The following LMBR1 variants were observed in gnomAD, a reference collection of about 807,000 sequenced individuals.
LMBR1 encodes limb region 1 protein homolog.
Under a neutral mutation model 73.9 loss-of-function variants are expected in LMBR1, and 52 were observed. That is an observed-to-expected ratio of 0.70 (90% CI 0.56 to 0.89). The LOEUF is 0.89. Ranked by LOEUF, LMBR1 falls within the 40% of genes least tolerant of loss-of-function variation. The pLI is 0.00. For missense variants in LMBR1, 539 were observed against 579.8 expected (o/e 0.93, Z 0.72); for synonymous variants, 215 against 209.4 (o/e 1.03, Z -0.23).
chr7:156,888,983 G>C (rs977894594), intron 1 of LMBR1, among the ~76,000 whole-genome samples: 1 of 152,104 alleles, frequency 6.6e-6, no homozygotes, highest in African/African-American at 2.4e-5. Context: ...GAACCAGGGA[G>C]GGAGAGGTTG....
intron 15 of LMBR1, among the ~76,000 whole-genome samples, chr7:156,696,490 G>A (rs1169332155): frequency 6.6e-6 from 1 of 152,188 alleles, no homozygotes; most frequent in Non-Finnish European, 1.5e-5. Flanking sequence ...AGACTGGGAA[G>A]AAAAACAGGT....
chr7:156,769,159 AC>A (rs1205387829), intron 5 of LMBR1, among the ~76,000 whole-genome samples: 1 of 152,058 alleles, frequency 6.6e-6, no homozygotes, highest in Non-Finnish European at 1.5e-5. Context: ...AAGCCCAAAC[AC>A]CCTACTCAAA....
chr7:156,727,902 A>G (rs751186892), intron 12 of LMBR1, 28 bp downstream of exon 12: 7 of 1,547,860 alleles, frequency 4.5e-6, no homozygotes, highest in Admixed American at 1.7e-5. Flanking sequence ...TTTGCAAAAG[A>G]AAGACATTTT....
At chr7:156,676,814 GA>G, downstream of LMBR1, 1 of 600,582 alleles carries the variant, frequency 1.7e-6, no homozygotes, top group Non-Finnish European at 2.9e-6. Flanking sequence ...TTTAAAAGCT[GA>G]CATCCCACCT....
In LMBR1 at chr7:156,773,112, T is replaced by C. The variant is rs570773507; in HGVS notation, c.424-9317A>G. ...AAAAATGAAACAAAATAAAATAAAA[T>C]AAAATAAAAACCTAGAAATACAGCT... On this transcript the variant is annotated intron_variant, in intron 5 of 16. Coordinates refer to ENST00000353442, the MANE Select transcript of LMBR1 (RefSeq NM_022458.4). Among the ~76,000 whole-genome samples, 13 of 151,080 alleles carry C rather than the reference T, an allele frequency of 8.6e-5. 1 individual carries two copies. In the South Asian group the frequency reaches 2.7e-3, roughly 32 times the overall value.
At chr7:156,751,991 T>G (rs572669788) in intron 9 of LMBR1, among the ~76,000 whole-genome samples, 2 of 151,948 alleles carry the variant, frequency 1.3e-5, no homozygotes, top group Admixed American at 1.3e-4. Context: ...TAAAAGCAAA[T>G]AGAGAATTTT....
intron 5 of LMBR1, among the ~76,000 whole-genome samples, chr7:156,791,579 C>A (rs606231230): frequency 6.6e-6 from 1 of 152,218 alleles, no homozygotes; most frequent in Non-Finnish European, 1.5e-5. Context: ...TGTTCCTCCT[C>A]TATTGTGCTG....
chr7:156,834,546 T>A, intron 2 of LMBR1: 1 of 315,886 alleles, frequency 3.2e-6, no homozygotes, highest in South Asian at 2.5e-5. Context: ...GAGGCTACAG[T>A]CAGCCATGAT....
Position 156,842,305 on chromosome 7 carries a change from T to C in LMBR1, c.67-5420A>G, listed in dbSNP as rs1838850782. Among the ~76,000 whole-genome samples the C allele has an allele frequency of 2.0e-5, 3 of 150,064 alleles. No individual in the cohort carries two copies. The Admixed American group carries it at 2.0e-4, about 10-fold the overall frequency. Reference sequence around the variant, plus strand: ...GGCCCGAACAAAGAGTCAAGCTACCTTTTAAGCATTTTGTGGGGCGGGGGG... The same window carrying C: ...GGCCCGAACAAAGAGTCAAGCTACCCTTTAAGCATTTTGTGGGGCGGGGGG... On this transcript the variant is annotated intron_variant, in intron 1 of 16. Transcript: ENST00000353442.
chr7:156,724,764 C>CTGTGTGTGTG (rs71189961), intron 14 of LMBR1, among the ~76,000 whole-genome samples: 54 of 146,536 alleles, frequency 3.7e-4, no homozygotes, highest in African/African-American at 7.8e-4. Context: ...AAAGAAATAG[C>CTGTGTGTGTG]TGTGTGTGTG....
rs1310335533 is a variant in LMBR1, at chr7:156,796,416, T to C, written c.396A>G (p.Glu132=). The change falls in exon 5 of 17, where the codon GAA becomes GAG. Residue 132 remains glutamate (E), a synonymous_variant. Transcript: ENST00000353442. ...VLMPFAFFFL[E]SEGFAGLKKG... is the part of the protein sequence containing the mutation. Reference sequence around the variant, plus strand: ...TTTTCAGGCCAGCAAAGCCTTCTGATTCCAGAAAGAAAAAGGCAAAGGGCA... The same window carrying C: ...TTTTCAGGCCAGCAAAGCCTTCTGACTCCAGAAAGAAAAAGGCAAAGGGCA... 1 of 1,606,152 alleles carries C rather than the reference T, an allele frequency of 6.2e-7. No individual in the cohort carries two copies. Among genetic ancestry groups the C allele is most frequent in the East Asian group, 2.2e-5 (1 of 44,468 alleles).
At chr7:156,887,358 G>A (rs1226162643) in intron 1 of LMBR1, among the ~76,000 whole-genome samples, 5 of 151,736 alleles carry the variant, frequency 3.3e-5, no homozygotes, top group African/African-American at 1.2e-4. Flanking sequence ...AGCTACTCGG[G>A]AGGCTGAGGC....
At chr7:156,873,707 G>C (rs1454906247) in intron 1 of LMBR1, among the ~76,000 whole-genome samples, 1 of 151,954 alleles carries the variant, frequency 6.6e-6, no homozygotes, top group Non-Finnish European at 1.5e-5. Flanking sequence ...GTGTCGATTG[G>C]TGCATTCACA....
chr7:156,757,850 G>A (rs1822194347), intron 8 of LMBR1, among the ~76,000 whole-genome samples: 2 of 152,168 alleles, frequency 1.3e-5, no homozygotes, highest in Admixed American at 6.5e-5. Flanking sequence ...AAATCTTTAC[G>A]GTCCCCTATG....
intron 1 of LMBR1, among the ~76,000 whole-genome samples, chr7:156,862,693 T>C (rs1797899891): frequency 6.6e-6 from 1 of 152,214 alleles, no homozygotes; most frequent in African/African-American, 2.4e-5. Flanking sequence ...GTGTATCTGA[T>C]AGAAGACTTG....
chr7:156,671,231 G>A (rs533392504), intron 4 of LMBR1, among the ~76,000 whole-genome samples: 11 of 152,322 alleles, frequency 7.2e-5, no homozygotes, highest in East Asian at 3.9e-4. Context: ...TGGGTGCACC[G>A]TTTGTCTGTC....
At chr7:156,698,286 C>T (rs1451426724) in intron 15 of LMBR1, among the ~76,000 whole-genome samples, 3 of 152,182 alleles carry the variant, frequency 2.0e-5, no homozygotes, top group Non-Finnish European at 2.9e-5. Context: ...TTTCCAGGCA[C>T]ACAGTGCAAG....
intron 1 of LMBR1, among the ~76,000 whole-genome samples, chr7:156,882,073 T>G (rs994713366): frequency 6.6e-6 from 1 of 152,194 alleles, no homozygotes; most frequent in African/African-American, 2.4e-5. Flanking sequence ...GGAAACAACC[T>G]AAATGTCTAT....
chr7:156,717,322 T>G (rs962286048), intron 15 of LMBR1, among the ~76,000 whole-genome samples: 3 of 152,016 alleles, frequency 2.0e-5, no homozygotes, highest in African/African-American at 7.3e-5. Context: ...ACAGGTTCTG[T>G]TTTAGAAATG....
Sources: gnomAD v4.1 joint callset for allele counts (sites outside exome capture counted in the v4.1 genomes callset) on GRCh38, gnomAD v4.1.1 for gene constraint, MANE v1.5 for transcripts, NCBI Gene and HGNC (gene_info 2026-07-23, HGNC 2026-07-21) for gene names.